The following MDM4 variants were observed in gnomAD, a reference collection of about 807,000 sequenced individuals.
MDM4 encodes MDM4 regulator of p53.
Under a neutral mutation model 60.2 loss-of-function variants are expected in MDM4, and 2 were observed. The observed-to-expected ratio is 0.03, with a 90% CI of 0.01 to 0.10. MDM4 has a LOEUF of 0.10. MDM4 is among the 10% of genes least tolerant of loss of function. The pLI is 1.00. For synonymous variants in MDM4, 202 were observed against 198.1 expected (o/e 1.02, Z -0.17); for missense variants, 447 against 577.5 (o/e 0.77, Z 2.32).
At chr1:204,525,091 G>A (rs1183992429) in intron 1 of MDM4, among the ~76,000 whole-genome samples, 2 of 152,134 alleles carry the variant, frequency 1.3e-5, no homozygotes, top group African/African-American at 4.8e-5. Flanking sequence ...AAGTCCTGTT[G>A]GAATCTTAAA....
chr1:204,526,591 G>C (rs1273240590), intron 3 of MDM4, among the ~76,000 whole-genome samples, 157 bp downstream of exon 3: 1 of 151,728 alleles, frequency 6.6e-6, no homozygotes, highest in East Asian at 1.9e-4. Context: ...AGCCTCCCGA[G>C]TAGCTGGGAT....
At chr1:204,530,938 T>C in intron 4 of MDM4, 121 bp downstream of exon 4, 2 of 1,302,706 alleles carry the variant, frequency 1.5e-6, no homozygotes, top group South Asian at 2.7e-5. Flanking sequence ...ATATGTTAGG[T>C]AGCCTATGAG....
At chr1:204,548,146 A>G (rs1662851285) in intron 10 of MDM4, among the ~76,000 whole-genome samples, 1 of 152,244 alleles carries the variant, frequency 6.6e-6, no homozygotes, top group Non-Finnish European at 1.5e-5. Flanking sequence ...TTTATGTCCT[A>G]CTAAGAAAAA....
intron 3 of MDM4, among the ~76,000 whole-genome samples, chr1:204,527,356 G>A (rs979007414): frequency 6.6e-6 from 1 of 152,012 alleles, no homozygotes; most frequent in African/African-American, 2.4e-5. Context: ...AAATGCAGTA[G>A]TTTTTATTAT....
rs567230344 is a variant in MDM4 at position 204,553,291 on chromosome 1, A to G, written c.*3609A>G. The G allele has an allele frequency of 1.9e-5, 4 of 210,810 alleles. No homozygotes were observed. The Admixed American group carries it at 2.4e-4, about 12-fold the overall frequency. The allele number at this position is 210,810 out of a possible 1,614,324, so 13.1% of individuals were successfully genotyped here. A position where few individuals can be genotyped will look rare whatever the true frequency, so the allele number is the denominator to read the frequency against. Reference sequence around the variant, plus strand: ...CATAGTTTATATGTGAAGTGTTCAGAGTTTACTGCTATAAGGAAACTTCCA... The same window carrying G: ...CATAGTTTATATGTGAAGTGTTCAGGGTTTACTGCTATAAGGAAACTTCCA... On this transcript the variant is annotated 3_prime_UTR_variant, in exon 11 of 11. Coordinates refer to ENST00000367182, the MANE Select transcript of MDM4 (RefSeq NM_002393.5).
In MDM4 at chr1:204,557,455, TGCAGTGGC is replaced by T. The variant is rs1253716295; in HGVS notation, c.*7777_*7784del. 1 of 176,256 alleles carries T rather than the reference TGCAGTGGC, an allele frequency of 5.7e-6. No homozygotes were observed. Among genetic ancestry groups the T allele is most frequent in the Non-Finnish European group, 1.2e-5 (1 of 81,856 alleles). 10.9% of individuals were successfully genotyped at this position (176,256 alleles called of 1,614,324 possible). On this transcript the variant is annotated 3_prime_UTR_variant, in exon 11 of 11. Coordinates refer to ENST00000367182, the MANE Select transcript of MDM4 (RefSeq NM_002393.5). ...TCTTACTCTGTCACCCAGGCTGGAA[TGCAGTGGC>T]GCAATCTTGGTTCACTGCAACCCCC... is the stretch of plus-strand genomic sequence containing the variant.
rs955453673 is a variant in MDM4 at position 204,551,933 on chromosome 1, T to C, written c.*2251T>C. On this transcript the variant is annotated 3_prime_UTR_variant, in exon 11 of 11. Transcript: ENST00000367182. ...GGTCCACAATGGAAGAAGAATTGTCTTGGACCACACATAAAATACACTAAC... is the reference window on the plus strand; with the variant it reads ...GGTCCACAATGGAAGAAGAATTGTCCTGGACCACACATAAAATACACTAAC... 5.4e-6 allele frequency: 1 copy of C among 183,696 alleles called. No individual in the cohort carries two copies. Among genetic ancestry groups the C allele is most frequent in the South Asian group, 2.0e-4 (1 of 5,002 alleles). The allele number at this position is 183,696 out of a possible 1,614,324, so 11.4% of individuals were successfully genotyped here. A position where few individuals can be genotyped will look rare whatever the true frequency, so the allele number is the denominator to read the frequency against.
At chr1:204,535,720 A>G (rs1661341208) in intron 5 of MDM4, among the ~76,000 whole-genome samples, 2 of 151,388 alleles carry the variant, frequency 1.3e-5, no homozygotes, top group Non-Finnish European at 2.9e-5. Flanking sequence ...TTTAGTAGAG[A>G]TGAGGTTTCA....
chr1:204,528,996 A>G, intron 3 of MDM4: 1 of 1,530,718 alleles, frequency 6.5e-7, no homozygotes. Flanking sequence ...GGCAGGATTG[A>G]CAGAGCGTGG....
In MDM4 at chr1:204,544,015, A is replaced by G. The variant is rs1322181660; in HGVS notation, c.673-520A>G. ...TCTCTCATGAATGTTGTAGAAAAGC[A>G]TGTCATGAAATATTCATAGATGAAT... On this transcript the variant is annotated intron_variant, in intron 8 of 10. Transcript: ENST00000367182. 2.6e-5 allele frequency among the ~76,000 whole-genome samples: 4 copies of G among 152,254 alleles called. No individual in the cohort carries two copies. The East Asian group carries it at 7.7e-4, about 29-fold the overall frequency.
intron 10 of MDM4, among the ~76,000 whole-genome samples, chr1:204,548,602 T>C (rs891631686): frequency 6.6e-6 from 1 of 152,244 alleles, no homozygotes; most frequent in Non-Finnish European, 1.5e-5. Flanking sequence ...GATTTAGGCA[T>C]ACAGTTACAC....
chr1:204,538,195 T>C lies in MDM4; in HGVS notation c.412-14T>C, dbSNP rs780847647. 5.3e-6 allele frequency: 8 copies of C among 1,502,028 alleles called. No homozygotes were observed. The highest frequency in any genetic ancestry group is 7.4e-6 in the Non-Finnish European group (8 of 1,078,648). The allele number at this position is 1,502,028 out of a possible 1,614,324, so 93.0% of individuals were successfully genotyped here. A position where few individuals can be genotyped will look rare whatever the true frequency, so the allele number is the denominator to read the frequency against. On this transcript the variant is annotated splice_polypyrimidine_tract_variant and intron_variant, in intron 6 of 10. Transcript: ENST00000367182. ...ATTTCTACTGCACTGATGGACACCT[T>C]TCCCTTCTTTCAGCAAAGTGCAGAG...
At chr1:204,520,367 C>T (rs1392348625) in intron 1 of MDM4, among the ~76,000 whole-genome samples, 5 of 105,858 alleles carry the variant, frequency 4.7e-5, no homozygotes, top group Admixed American at 2.2e-4. Context: ...CATGCAACAT[C>T]CCTGCTTTTT....
intron 3 of MDM4, among the ~76,000 whole-genome samples, chr1:204,528,429 A>G (rs981531385): frequency 6.6e-6 from 1 of 152,200 alleles, no homozygotes; most frequent in Non-Finnish European, 1.5e-5. Flanking sequence ...AAATGGGCTC[A>G]TGTGACAGGA....
At chr1:204,545,000 C>T (rs541735207) in intron 9 of MDM4, among the ~76,000 whole-genome samples, 14 of 152,266 alleles carry the variant, frequency 9.2e-5, no homozygotes, top group East Asian at 1.9e-4. Flanking sequence ...GGACCACATG[C>T]GGCCCAGAAC....
At position 204,552,440 on chromosome 1, in the gene MDM4, A is replaced by T. The variant is rs1453724214; in HGVS notation, c.*2758A>T. The T allele has an allele frequency of 6.9e-6, 1 of 145,348 alleles. No homozygotes were observed. Among genetic ancestry groups the T allele is most frequent in the African/African-American group, 2.6e-5 (1 of 38,910 alleles). The allele number at this position is 145,348 out of a possible 1,614,324, so 9.0% of individuals were successfully genotyped here. A position where few individuals can be genotyped will look rare whatever the true frequency, so the allele number is the denominator to read the frequency against. On this transcript the variant is annotated 3_prime_UTR_variant, in exon 11 of 11. Transcript: ENST00000367182. ...CGGGTTCAGGTGATTCTCCTGCCTC[A>T]GCCTCCCAGATAGCTGGGACTACAG...
chr1:204,531,805 C>T (rs978002894), intron 4 of MDM4, among the ~76,000 whole-genome samples: 1 of 151,946 alleles, frequency 6.6e-6, no homozygotes, highest in African/African-American at 2.4e-5. Flanking sequence ...GCACTCCAGC[C>T]TGGGCAATAA....
chr1:204,516,762 T>A (rs546656586), intron 1 of MDM4, among the ~76,000 whole-genome samples: 3 of 152,254 alleles, frequency 2.0e-5, no homozygotes, highest in African/African-American at 7.2e-5. Context: ...GTGACAAACC[T>A]AAAGTCGACG....
At position 204,555,922 on chromosome 1, in the gene MDM4, C is replaced by T. The variant is rs1663505417; in HGVS notation, c.*6240C>T. On this transcript the variant is annotated 3_prime_UTR_variant, in exon 11 of 11. Coordinates refer to ENST00000367182, the MANE Select transcript of MDM4 (RefSeq NM_002393.5). ...GAGCCCCTAATTTCTTATCTGAAGGCACTGTTTTTTTTTTTAAACAGTTAA... is the reference window on the plus strand; with the variant it reads ...GAGCCCCTAATTTCTTATCTGAAGGTACTGTTTTTTTTTTTAAACAGTTAA... The T allele has an allele frequency of 6.8e-6, 1 of 147,626 alleles. No individual in the cohort carries two copies. Among genetic ancestry groups the T allele is most frequent in the African/African-American group, 2.5e-5 (1 of 39,456 alleles). 9.1% of individuals were successfully genotyped at this position (147,626 alleles called of 1,614,324 possible). A position where few individuals can be genotyped will look rare whatever the true frequency, so the allele number is the denominator to read the frequency against.
Sources: allele counts gnomAD v4.1 joint callset (sites outside exome capture counted in the v4.1 genomes callset), GRCh38; gene constraint gnomAD v4.1.1; transcripts MANE v1.5; gene names NCBI Gene and HGNC (gene_info 2026-07-23, HGNC 2026-07-21).